Variants in ASTN1 observed in about 807,000 individuals in gnomAD.
ASTN1 encodes astrotactin 1, also known as astrotactin-1.
A neutral mutation model predicts 140.7 loss-of-function variants in ASTN1; 41 were observed. The observed-to-expected ratio is 0.29, with a 90% confidence interval of 0.23 to 0.38. ASTN1 has a LOEUF of 0.38. Ranked by LOEUF, ASTN1 falls within the 10% of genes least tolerant of loss-of-function variation. The pLI, the probability that ASTN1 is intolerant of heterozygous loss-of-function variation, is 1.00. For synonymous variants in ASTN1, 640 were observed against 652.2 expected (o/e 0.98, Z 0.29); for missense variants, 1,479 against 1,678.8 (o/e 0.88, Z 2.08).
At chr1:176,970,464 A>C (rs1044513399) in intron 8 of ASTN1, among the ~76,000 whole-genome samples, 3 of 152,166 alleles carry the variant, frequency 2.0e-5, no homozygotes, top group Admixed American at 6.5e-5. Flanking sequence ...TGGCACTTGG[A>C]AACAGAGCTC....
intron 8 of ASTN1, among the ~76,000 whole-genome samples, chr1:176,992,066 T>A (rs1237071158): frequency 6.6e-6 from 1 of 152,156 alleles, no homozygotes; most frequent in Non-Finnish European, 1.5e-5. Context: ...AAATTCAAAG[T>A]CGTTAGTATG....
chr1:177,158,879 G>A (rs1683361120), intron 1 of ASTN1, among the ~76,000 whole-genome samples: 2 of 147,348 alleles, frequency 1.4e-5, no homozygotes, highest in Non-Finnish European at 1.5e-5. Flanking sequence ...CCAACATGGT[G>A]AAACCCTGCC....
At chr1:177,092,419 G>A (rs573189888) in intron 1 of ASTN1, among the ~76,000 whole-genome samples, 1 of 152,244 alleles carries the variant, frequency 6.6e-6, no homozygotes, top group East Asian at 1.9e-4. Flanking sequence ...TCAGATACAT[G>A]ATTTACAAAT....
At chr1:176,992,032 T>C (rs1674201357) in intron 8 of ASTN1, among the ~76,000 whole-genome samples, 1 of 152,210 alleles carries the variant, frequency 6.6e-6, no homozygotes, top group Non-Finnish European at 1.5e-5. Context: ...TATTAGTAGA[T>C]AATAGAAAAA....
rs1466120529 is a variant in ASTN1, at chr1:176,888,307, TC to T, written c.2941-104del. The T allele has an allele frequency of 3.7e-6, 5 of 1,369,254 alleles. No individual in the cohort carries two copies. In the African/African-American group the frequency reaches 5.8e-5, roughly 16 times the overall value. 84.8% of individuals were successfully genotyped at this position (1,369,254 alleles called of 1,614,324 possible). On this transcript the variant is annotated intron_variant, in intron 17 of 22. Coordinates refer to ENST00000361833, the MANE Select transcript of ASTN1 (RefSeq NM_004319.3). ...AGGATCTGCATGGCCCTAAATTACT[TC>T]CAGCAGCAGGTTGTGTCGCCACTTT...
chr1:176,953,538 T>C (rs960247149), intron 11 of ASTN1, among the ~76,000 whole-genome samples: 2 of 152,234 alleles, frequency 1.3e-5, no homozygotes, highest in African/African-American at 4.8e-5. Context: ...GTCAAATTTA[T>C]ATTTCAGCAG....
intron 17 of ASTN1, among the ~76,000 whole-genome samples, chr1:176,890,791 C>T (rs573090860): frequency 2.8e-4 from 42 of 152,186 alleles, no homozygotes; most frequent in African/African-American, 7.9e-4. Context: ...TTTGAGCGGC[C>T]GAGGCAGGAG....
At chr1:176,950,078 T>A (rs7532981) in intron 11 of ASTN1, among the ~76,000 whole-genome samples, 2,382 of 152,236 alleles carry the variant, frequency 0.016, 64 homozygotes, top group African/African-American at 0.051. Flanking sequence ...AGTAATATAC[T>A]CCCCAAGAAT....
chr1:176,982,381 C>T (rs550452974), intron 8 of ASTN1, among the ~76,000 whole-genome samples: 7 of 152,294 alleles, frequency 4.6e-5, no homozygotes, highest in Admixed American at 2.0e-4. Context: ...GCTTATTGGA[C>T]GCCTTTGCTA....
intron 5 of ASTN1, 53 bp downstream of exon 5, chr1:177,029,581 C>T: frequency 1.3e-6 from 2 of 1,564,166 alleles, no homozygotes; most frequent in Non-Finnish European, 1.8e-6. Flanking sequence ...CCTTCCCCCG[C>T]CTCCCTCACT....
At chr1:176,945,155 A>G (rs183308191) in intron 13 of ASTN1, among the ~76,000 whole-genome samples, 67 of 152,200 alleles carry the variant, frequency 4.4e-4, no homozygotes, top group Non-Finnish European at 9.3e-4. Flanking sequence ...AGAACCACCT[A>G]GAAATATTCT....
chr1:177,125,276 T>C (rs187602091), intron 1 of ASTN1, among the ~76,000 whole-genome samples: 7 of 152,318 alleles, frequency 4.6e-5, no homozygotes, highest in African/African-American at 9.6e-5. Context: ...AATCCAAGTA[T>C]AGAGATTAAT....
chr1:176,884,340 T>A lies in ASTN1; in HGVS notation c.3225A>T (p.Thr1075=), dbSNP rs111487131. The A allele has an allele frequency of 6.2e-7, 1 of 1,613,332 alleles. No individual in the cohort carries two copies. The highest frequency in any genetic ancestry group is 8.5e-7 in the Non-Finnish European group (1 of 1,179,252). Residue 1075 remains threonine, a splice_region_variant and synonymous_variant, in exon 19 of 23, where the codon ACA becomes ACT. Transcript: ENST00000361833. ...TDRMDHSKVE[T]ETVLSFVDDI... ...GCCCATGAAGTAGAAGGTGCTCACC[T>A]GTCTCCACTTTGGAGTGGTCCATCC...
rs531219230 is a variant in ASTN1, at chr1:176,919,896, T to A, written c.2671+14256A>T. On this transcript the variant is annotated intron_variant, in intron 16 of 22. Coordinates refer to ENST00000361833, the MANE Select transcript of ASTN1 (RefSeq NM_004319.3). ...ATGTCAGGGGAGTGCCAGCTGTGGT[T>A]TTACCCTATTATGCTGGTTTCCCCT... Among the ~76,000 whole-genome samples the A allele has an allele frequency of 9.8e-5, 15 of 152,320 alleles. No homozygotes were observed. In the South Asian group the frequency reaches 3.1e-3, roughly 32 times the overall value.
chr1:176,882,053 C>A (rs1359347863), intron 20 of ASTN1, among the ~76,000 whole-genome samples: 3 of 152,202 alleles, frequency 2.0e-5, no homozygotes, highest in Non-Finnish European at 4.4e-5. Flanking sequence ...ATCATTATCT[C>A]TCCTTTTCTG....
intron 1 of ASTN1, among the ~76,000 whole-genome samples, chr1:177,115,268 C>G (rs1336116241): frequency 1.3e-5 from 2 of 152,106 alleles, no homozygotes; most frequent in African/African-American, 2.4e-5. Flanking sequence ...AATTAGCCCC[C>G]TCCAAACTCA....
chr1:176,999,891 G>A (rs1674640809), intron 8 of ASTN1, among the ~76,000 whole-genome samples: 1 of 152,078 alleles, frequency 6.6e-6, no homozygotes. Context: ...TAAGATTCCT[G>A]AGGCCTCCCC....
At chr1:176,857,756 G>A, downstream of ASTN1, 1 of 420,860 alleles carries the variant, frequency 2.4e-6, no homozygotes, top group Non-Finnish European at 4.3e-6. Context: ...TGAGAACAAA[G>A]AGGCAGTGGC....
downstream of ASTN1, among the ~76,000 whole-genome samples, chr1:176,858,012 A>T (rs963470900): frequency 6.6e-6 from 1 of 152,198 alleles, no homozygotes; most frequent in Non-Finnish European, 1.5e-5. Flanking sequence ...GCTCCTAATT[A>T]TTAAGCACAA....
Sources: allele counts gnomAD v4.1 joint callset (sites outside exome capture counted in the v4.1 genomes callset), GRCh38; gene constraint gnomAD v4.1.1; transcripts MANE v1.5; gene names NCBI Gene and HGNC (gene_info 2026-07-23, HGNC 2026-07-21).